Variants in GAS7 observed in about 807,000 individuals in gnomAD.
GAS7 encodes the protein growth arrest specific 7, also known as growth arrest-specific protein 7.
Under a neutral mutation model 71.1 loss-of-function variants are expected in GAS7, and 28 were observed. The observed-to-expected ratio is 0.39, with a 90% CI of 0.29 to 0.54. GAS7 has a LOEUF of 0.54. Ranked by LOEUF, GAS7 falls within the 20% of genes least tolerant of loss-of-function variation. GAS7 has a pLI of 0.62. For missense variants in GAS7, 436 were observed against 627.8 expected, an observed-to-expected ratio of 0.69 and a Z score of 3.27; for synonymous variants, 258 against 245.8, an observed-to-expected ratio of 1.05 and a Z score of -0.46.
At position 9,959,071 on chromosome 17, in the gene GAS7, G is replaced by A. The variant is rs553361194; in HGVS notation, c.525+131C>T. ...TGGATGGGGAACTTGAGTGAAATCC[G>A]AGCTTTGGAACTTCCCCGTTTCCAG... On this transcript the variant is annotated intron_variant, in intron 5 of 13. Transcript: ENST00000432992. The surrounding 1 kb of genome is among the most constrained non-coding windows in gnomAD (Gnocchi z 5.0). The A allele has an allele frequency of 6.7e-6, 9 of 1,340,852 alleles. No individual in the cohort carries two copies. In the Admixed American group the frequency reaches 1.3e-4, roughly 20 times the overall value. The allele number at this position is 1,340,852 out of a possible 1,614,324, so 83.1% of individuals were successfully genotyped here.
intron 1 of GAS7, among the ~76,000 whole-genome samples, chr17:10,088,889 G>A (rs1184784641): frequency 6.6e-6 from 1 of 152,138 alleles, no homozygotes; most frequent in African/African-American, 2.4e-5. Context: ...CGGGCATGGT[G>A]GCTCATGCCT....
At chr17:9,931,425 C>T (rs2068204598) in intron 9 of GAS7, among the ~76,000 whole-genome samples, 1 of 152,146 alleles carries the variant, frequency 6.6e-6, no homozygotes, top group Admixed American at 6.5e-5. Flanking sequence ...CCCGGGGACC[C>T]AGCAGGTGAC....
At chr17:10,113,494 C>T (rs1005948145) in intron 1 of GAS7, among the ~76,000 whole-genome samples, 41 of 152,230 alleles carry the variant, frequency 2.7e-4, no homozygotes, top group African/African-American at 9.4e-4. Flanking sequence ...GGAAGCTCTT[C>T]CTATTGACTA....
At chr17:10,036,702 T>C in intron 1 of GAS7, 1 of 1,295,704 alleles carries the variant, frequency 7.7e-7, no homozygotes, top group Non-Finnish European at 9.8e-7. Flanking sequence ...CAGTGCTTGC[T>C]GGGAAATTAA....
At chr17:9,971,852 T>G (rs972338689) in intron 3 of GAS7, among the ~76,000 whole-genome samples, 3 of 152,070 alleles carry the variant, frequency 2.0e-5, no homozygotes, top group Admixed American at 1.3e-4. Flanking sequence ...ACCTACTCAT[T>G]TGGAGCGACG....
At chr17:10,043,032 A>C (rs886699167) in intron 1 of GAS7, among the ~76,000 whole-genome samples, 1 of 152,138 alleles carries the variant, frequency 6.6e-6, no homozygotes, top group African/African-American at 2.4e-5. Context: ...CTGGAGCTGG[A>C]GGCATCTGCT....
chr17:10,175,119 T>A (rs1175454267), intron 1 of GAS7, among the ~76,000 whole-genome samples: 1 of 151,994 alleles, frequency 6.6e-6, no homozygotes. Context: ...GTGTTGGGAT[T>A]ATGGGCACGA....
intron 2 of GAS7, among the ~76,000 whole-genome samples, chr17:9,989,252 C>A (rs1597623142): frequency 6.6e-6 from 1 of 152,098 alleles, no homozygotes; most frequent in East Asian, 1.9e-4. Context: ...GAGCTCTAGG[C>A]TGGGACTCTG....
intron 4 of GAS7, among the ~76,000 whole-genome samples, chr17:9,968,241 T>C (rs777864987): frequency 6.6e-6 from 1 of 152,148 alleles, no homozygotes; most frequent in East Asian, 1.9e-4. Context: ...TGATTCATGA[T>C]GGGTGACATG....
rs1265747499 is a variant in GAS7 at position 9,916,408 on chromosome 17, T to C, written c.*820A>G. The C allele has an allele frequency of 1.7e-5, 4 of 233,242 alleles. No individual in the cohort carries two copies. The highest frequency in any genetic ancestry group is 3.4e-5 in the Non-Finnish European group (4 of 117,906). 14.4% of individuals were successfully genotyped at this position (233,242 alleles called of 1,614,324 possible). A position where few individuals can be genotyped will look rare whatever the true frequency, so the allele number is the denominator to read the frequency against. On this transcript the variant is annotated 3_prime_UTR_variant, in exon 14 of 14. Coordinates refer to ENST00000432992, the MANE Select transcript of GAS7 (RefSeq NM_201433.2). ...ACGAGCTGGATGAGGTCTTGATAACTGAGAACTTTGGAAAGCTTCCTCTAA... is the reference window on the plus strand; with the variant it reads ...ACGAGCTGGATGAGGTCTTGATAACCGAGAACTTTGGAAAGCTTCCTCTAA...
chr17:9,995,075 C>G (rs1330143776), intron 2 of GAS7, among the ~76,000 whole-genome samples: 1 of 152,222 alleles, frequency 6.6e-6, no homozygotes, highest in Non-Finnish European at 1.5e-5. Context: ...CACTGGGGAG[C>G]AGCAGGGGGG....
chr17:10,036,314 G>T, intron 1 of GAS7: 1 of 879,048 alleles, frequency 1.1e-6, no homozygotes, highest in Non-Finnish European at 1.9e-6. Flanking sequence ...CAGCTCAGCA[G>T]TTAGACCCCA....
intron 1 of GAS7, among the ~76,000 whole-genome samples, chr17:10,074,851 A>T (rs778200838): frequency 2.6e-4 from 40 of 152,238 alleles, no homozygotes; most frequent in Non-Finnish European, 5.1e-4. Context: ...TCACTTAGAG[A>T]ATAGGTGTAA....
intron 1 of GAS7, among the ~76,000 whole-genome samples, chr17:10,180,381 T>TA (rs1270554853): frequency 7.3e-6 from 1 of 137,650 alleles, no homozygotes; most frequent in African/African-American, 2.7e-5. Context: ...TTAAGGTAAA[T>TA]AATATGCCTA....
intron 2 of GAS7, among the ~76,000 whole-genome samples, chr17:10,012,841 G>A (rs1012266439): frequency 6.6e-6 from 1 of 151,978 alleles, no homozygotes; most frequent in Non-Finnish European, 1.5e-5. Context: ...GGTGGCTCAC[G>A]CCTGTAATCC....
intron 1 of GAS7, among the ~76,000 whole-genome samples, chr17:10,079,365 C>T (rs1208729426): frequency 2.0e-5 from 3 of 152,198 alleles, no homozygotes; most frequent in Non-Finnish European, 4.4e-5. Flanking sequence ...ACCTGAAAGA[C>T]TGGTTCAGAT....
intron 1 of GAS7, among the ~76,000 whole-genome samples, chr17:10,069,738 T>A (rs1400370138): frequency 1.3e-5 from 2 of 152,220 alleles, no homozygotes; most frequent in Non-Finnish European, 2.9e-5. Context: ...ATACCACTTT[T>A]TCCTCTTATT....
At chr17:10,159,445 T>A (rs145508400) in intron 1 of GAS7, among the ~76,000 whole-genome samples, 1 of 152,204 alleles carries the variant, frequency 6.6e-6, no homozygotes, top group African/African-American at 2.4e-5. Context: ...TATTTATTCA[T>A]AGGGTGACAC....
intron 2 of GAS7, among the ~76,000 whole-genome samples, chr17:10,015,572 T>A (rs181250605): frequency 6.6e-6 from 1 of 152,172 alleles, no homozygotes; most frequent in Non-Finnish European, 1.5e-5. Flanking sequence ...GCTATTCTCA[T>A]AGATGCCTTC....
Sources: gnomAD v4.1 joint callset for allele counts (sites outside exome capture counted in the v4.1 genomes callset) on GRCh38, gnomAD v4.1.1 for gene constraint, Gnocchi (gnomAD v3.1) non-coding constraint, MANE v1.5 for transcripts, NCBI Gene and HGNC (gene_info 2026-07-23, HGNC 2026-07-21) for gene names.